ADAMTS3: variants seen among roughly 807,000 people sequenced by gnomAD.
The protein encoded by ADAMTS3 is A disintegrin and metalloproteinase with thrombospondin motifs 3.
ADAMTS3 carries 73 observed loss-of-function variants against 129.0 expected under a neutral mutation model. The observed-to-expected ratio is 0.57, with a 90% CI of 0.47 to 0.69. The LOEUF is 0.69. Ranked by LOEUF, ADAMTS3 falls within the 30% of genes least tolerant of loss-of-function variation. ADAMTS3 has a pLI of 0.00. For missense variants in ADAMTS3, 1,457 were observed against 1,514.5 expected (o/e 0.96, Z 0.63); for synonymous variants, 477 against 510.8 (o/e 0.93, Z 0.89).
chr4:72,400,059 CGTGTGT>C (rs1721857201), intron 4 of ADAMTS3, among the ~76,000 whole-genome samples: 1 of 11,564 alleles, frequency 8.6e-5, no homozygotes, highest in Non-Finnish European at 2.2e-4. Context: ...TGTGTATATA[CGTGTGT>C]ATATATGCAC....
intron 3 of ADAMTS3, among the ~76,000 whole-genome samples, chr4:72,458,119 T>C (rs1001468378): frequency 1.7e-4 from 26 of 151,614 alleles, no homozygotes; most frequent in Admixed American, 5.3e-4. Flanking sequence ...GCCCAGGTGA[T>C]AATGAAGAGA....
intron 3 of ADAMTS3, among the ~76,000 whole-genome samples, chr4:72,479,984 A>T (rs1165598449): frequency 6.6e-6 from 1 of 152,102 alleles, no homozygotes; most frequent in African/African-American, 2.4e-5. Context: ...GCAAATCAAA[A>T]CCACAATGAG....
At chr4:72,365,153 T>C (rs1720838562) in intron 4 of ADAMTS3, among the ~76,000 whole-genome samples, 1 of 152,214 alleles carries the variant, frequency 6.6e-6, no homozygotes, top group Non-Finnish European at 1.5e-5. Context: ...CTACCATATC[T>C]GAACAAAATT....
At chr4:72,537,611 TAAAC>T (rs1217555606) in intron 3 of ADAMTS3, among the ~76,000 whole-genome samples, 1 of 151,356 alleles carries the variant, frequency 6.6e-6, no homozygotes, top group African/African-American at 2.4e-5. Flanking sequence ...TACAAACAAA[TAAAC>T]AACAACAACA....
In ADAMTS3 at chr4:72,323,067, C is replaced by T. The variant is rs80330149; in HGVS notation, c.892G>A (p.Gly298Arg). 1.8e-4 allele frequency: 293 copies of T among 1,613,358 alleles called. 1 individual carries two copies. In the African/African-American group the frequency reaches 3.3e-3, roughly 18 times the overall value. ...VNEIYHDESL[G>R]VHINVVLVRM... Reference sequence around the variant, plus strand: ...ACCAGGACCACATTTATATGCACTCCGAGGGACTCATCATGGTAAATTTCA... The same window carrying T: ...ACCAGGACCACATTTATATGCACTCTGAGGGACTCATCATGGTAAATTTCA... The change falls in exon 6 of 22, where the codon GGA (glycine) becomes AGA (arginine). Residue 298 changes from glycine to arginine, a missense_variant. Transcript: ENST00000286657.
intron 3 of ADAMTS3, among the ~76,000 whole-genome samples, chr4:72,478,916 C>T (rs1302371756): frequency 6.6e-6 from 1 of 151,616 alleles, no homozygotes; most frequent in Non-Finnish European, 1.5e-5. Flanking sequence ...AACAGAGAGC[C>T]AAATCATGAG....
chr4:72,567,531 T>C (rs1233096608), intron 1 of ADAMTS3, 130 bp from the exon 2 acceptor site: 4 of 881,406 alleles, frequency 4.5e-6, no homozygotes, highest in East Asian at 2.7e-5. Context: ...CTGGGATTGG[T>C]GCCTAAAGCC....
chr4:72,334,510 A>G (rs1578591307), intron 5 of ADAMTS3, among the ~76,000 whole-genome samples: 2 of 152,318 alleles, frequency 1.3e-5, no homozygotes, highest in East Asian at 3.9e-4. Context: ...GTTGATAATT[A>G]TGGACCAGGT....
rs1200423793 is a variant in ADAMTS3, at chr4:72,283,019, CAGATAA to C, written c.*111_*116del. On this transcript the variant is annotated 3_prime_UTR_variant, in exon 22 of 22. Coordinates refer to ENST00000286657, the MANE Select transcript of ADAMTS3 (RefSeq NM_014243.3). ...CCAGCACTTTCTGTTCTTCCAATTACAGATAAAATGAGCTGACGATCTATAGAGATT... is the reference window on the plus strand; with the variant it reads ...CCAGCACTTTCTGTTCTTCCAATTACAATGAGCTGACGATCTATAGAGATT... 5 of 870,676 alleles carry C rather than the reference CAGATAA, an allele frequency of 5.7e-6. No homozygotes were observed. In the East Asian group the frequency reaches 1.3e-4, roughly 22 times the overall value. 53.9% of individuals were successfully genotyped at this position (870,676 alleles called of 1,614,324 possible).
At chr4:72,458,224 G>C (rs944067995) in intron 3 of ADAMTS3, among the ~76,000 whole-genome samples, 2 of 151,582 alleles carry the variant, frequency 1.3e-5, no homozygotes, top group Admixed American at 6.6e-5. Context: ...ATGCATCACT[G>C]AACTAACAGG....
chr4:72,306,789 A>T (rs1440049066), intron 15 of ADAMTS3, among the ~76,000 whole-genome samples: 1 of 152,000 alleles, frequency 6.6e-6, no homozygotes, highest in East Asian at 1.9e-4. Flanking sequence ...TAAGAAAATC[A>T]ATATGCTTAA....
intron 3 of ADAMTS3, among the ~76,000 whole-genome samples, chr4:72,474,176 A>G (rs186375800): frequency 2.9e-4 from 44 of 152,346 alleles, no homozygotes; most frequent in Admixed American, 9.1e-4. Context: ...ATCACTCGTC[A>G]TATCAAGAAC....
At chr4:72,485,418 T>C (rs1018619767) in intron 3 of ADAMTS3, among the ~76,000 whole-genome samples, 6 of 152,174 alleles carry the variant, frequency 3.9e-5, no homozygotes, top group Admixed American at 2.0e-4. Context: ...TCATAGAGAA[T>C]AGATAAACAT....
At chr4:72,519,750 T>C (rs1720607708) in intron 3 of ADAMTS3, among the ~76,000 whole-genome samples, 1 of 152,236 alleles carries the variant, frequency 6.6e-6, no homozygotes, top group African/African-American at 2.4e-5. Flanking sequence ...TAAATTTTTT[T>C]CAAAGTTTTC....
At chr4:72,546,241 C>A (rs1721463542) in intron 3 of ADAMTS3, among the ~76,000 whole-genome samples, 1 of 152,040 alleles carries the variant, frequency 6.6e-6, no homozygotes, top group Admixed American at 6.6e-5. Context: ...TTATGGTTCC[C>A]AAATTGTTAA....
chr4:72,318,766 T>A, intron 9 of ADAMTS3, 62 bp from the exon 10 acceptor site: 1 of 1,507,778 alleles, frequency 6.6e-7, no homozygotes, highest in African/African-American at 1.4e-5. Flanking sequence ...TGTCCTGATT[T>A]AAAAAAAAGT....
chr4:72,350,025 C>G (rs1254323927), intron 4 of ADAMTS3, among the ~76,000 whole-genome samples: 1 of 151,982 alleles, frequency 6.6e-6, no homozygotes. Context: ...ACAACGTTTG[C>G]TATCTAATAT....
At chr4:72,332,568 A>G (rs1676934344) in intron 5 of ADAMTS3, among the ~76,000 whole-genome samples, 1 of 152,192 alleles carries the variant, frequency 6.6e-6, no homozygotes, top group South Asian at 2.1e-4. Flanking sequence ...CATTTAATAA[A>G]TCCTGAGATT....
chr4:72,462,563 A>T (rs1718799684), intron 3 of ADAMTS3, among the ~76,000 whole-genome samples: 1 of 151,896 alleles, frequency 6.6e-6, no homozygotes, highest in Admixed American at 6.6e-5. Flanking sequence ...ATTCCAATGG[A>T]GCTGAAAATT....
Sources: gnomAD v4.1 joint callset for allele counts (sites outside exome capture counted in the v4.1 genomes callset) on GRCh38, gnomAD v4.1.1 for gene constraint, MANE v1.5 for transcripts, NCBI Gene and HGNC (gene_info 2026-07-23, HGNC 2026-07-21) for gene names.